Variants in GALNT2 observed in about 807,000 individuals in gnomAD.
GALNT2 encodes the protein polypeptide N-acetylgalactosaminyltransferase 2, also known as UDP-GalNAc:polypeptide N-acetylgalactosaminyltransferase 2.
A neutral mutation model predicts 81.4 loss-of-function variants in GALNT2; 31 were observed. The ratio of observed to expected loss-of-function variants is 0.38; its 90% CI spans 0.29 to 0.51. GALNT2 has a LOEUF of 0.51. GALNT2 is among the 20% of genes least tolerant of loss of function. GALNT2 has a pLI of 0.87. For missense variants in GALNT2, 629 were observed against 765.7 expected, an observed-to-expected ratio of 0.82 and a Z score of 2.11; for synonymous variants, 303 against 287.4, an observed-to-expected ratio of 1.05 and a Z score of -0.55.
At chr1:230,197,402 G>A (rs1391665087) in intron 2 of GALNT2, among the ~76,000 whole-genome samples, 1 of 152,142 alleles carries the variant, frequency 6.6e-6, no homozygotes, top group Non-Finnish European at 1.5e-5. Flanking sequence ...AAGAAAGCAG[G>A]GATTCCCTCT....
intron 3 of GALNT2, among the ~76,000 whole-genome samples, chr1:230,224,606 G>A (rs1302775829): frequency 6.6e-6 from 1 of 152,220 alleles, no homozygotes; most frequent in Non-Finnish European, 1.5e-5. Flanking sequence ...GCTTCAAGGG[G>A]AAACCTAATG....
chr1:230,067,805 G>A (rs925338122), intron 1 of GALNT2, among the ~76,000 whole-genome samples: 8 of 152,236 alleles, frequency 5.3e-5, no homozygotes, highest in Non-Finnish European at 1.2e-4. Context: ...GTCATGTACA[G>A]CAGGAGAGAG....
At chr1:230,122,664 G>A (rs968963702) in intron 1 of GALNT2, among the ~76,000 whole-genome samples, 3 of 151,740 alleles carry the variant, frequency 2.0e-5, no homozygotes, top group Non-Finnish European at 2.9e-5. Flanking sequence ...GTGTTCATCC[G>A]TGTGTGTGTG....
chr1:230,210,458 C>A (rs1475379713), intron 3 of GALNT2, among the ~76,000 whole-genome samples: 2 of 152,178 alleles, frequency 1.3e-5, no homozygotes, highest in Non-Finnish European at 2.9e-5. Context: ...GCCTTGCCAC[C>A]ACTACATTTA....
chr1:230,154,101 G>A (rs2102838588), intron 1 of GALNT2, among the ~76,000 whole-genome samples: 1 of 149,536 alleles, frequency 6.7e-6, no homozygotes, highest in East Asian at 1.9e-4. Flanking sequence ...CATAATCAGT[G>A]TCTGGTGAGC....
rs996265097 is a variant in GALNT2 at position 230,280,578 on chromosome 1, G to C, written c.*1120G>C. 2.6e-5 allele frequency: 4 copies of C among 153,600 alleles called. No individual in the cohort carries two copies. Among genetic ancestry groups the C allele is most frequent in the Admixed American group, 6.4e-5 (1 of 15,588 alleles). 9.5% of individuals were successfully genotyped at this position (153,600 alleles called of 1,614,324 possible). ...CATTGTGATCTGAGCCCTGCACGCT[G>C]GGCCTTCAGAATTAATGGCCAGCAG... On this transcript the variant is annotated 3_prime_UTR_variant, in exon 16 of 16. Transcript: ENST00000366672.
chr1:230,244,319 C>T (rs1665298732), intron 7 of GALNT2, among the ~76,000 whole-genome samples: 1 of 152,024 alleles, frequency 6.6e-6, no homozygotes, highest in Non-Finnish European at 1.5e-5. Context: ...GACAGGTAAA[C>T]AGGCTGGGGT....
intron 1 of GALNT2, among the ~76,000 whole-genome samples, chr1:230,106,803 T>TA (rs1660558391): frequency 6.6e-6 from 1 of 152,146 alleles, no homozygotes; most frequent in African/African-American, 2.4e-5. Context: ...GGGATGAACA[T>TA]ACACCCTTTC....
chr1:230,239,392 C>T (rs1263291501), intron 6 of GALNT2, among the ~76,000 whole-genome samples: 4 of 152,156 alleles, frequency 2.6e-5, no homozygotes, highest in African/African-American at 9.7e-5. Context: ...AGCAGGGAAG[C>T]CAGTCCAAGT....
chr1:230,224,673 G>A (rs1009512122), intron 3 of GALNT2, among the ~76,000 whole-genome samples: 3 of 152,196 alleles, frequency 2.0e-5, no homozygotes, highest in African/African-American at 4.8e-5. Context: ...TTCTGTGGCC[G>A]GTGCCGAAGC....
rs575399040 is a variant in GALNT2 at position 230,086,271 on chromosome 1, G to A, written c.126+18865G>A. On this transcript the variant is annotated intron_variant, in intron 1 of 15. Coordinates refer to ENST00000366672, the MANE Select transcript of GALNT2 (RefSeq NM_004481.5). ...AAGGGTTTAGAAAGGGTGGGTGATG[G>A]TGACTAGGGATACAGCACGTTGCTC... Among the ~76,000 whole-genome samples, 6 of 152,296 alleles carry A rather than the reference G, an allele frequency of 3.9e-5. No homozygotes were observed. The South Asian group carries it at 1.2e-3, about 32-fold the overall frequency.
At chr1:230,175,612 C>CCTCCTCCCCCTCCCTCT (rs1662951692) in intron 1 of GALNT2, among the ~76,000 whole-genome samples, 1 of 124,310 alleles carries the variant, frequency 8.0e-6, no homozygotes, top group African/African-American at 3.1e-5. Flanking sequence ...TCCTCCTCCT[C>CCTCCTCCCCCTCCCTCT]CCCCTCCCTC....
chr1:230,280,006 C>G lies in GALNT2; in HGVS notation c.*548C>G, dbSNP rs1666394215. The G allele has an allele frequency of 2.2e-6, 1 of 456,046 alleles. No homozygotes were observed. Among genetic ancestry groups the G allele is most frequent in the Non-Finnish European group, 4.4e-6 (1 of 226,846 alleles). 28.2% of individuals were successfully genotyped at this position (456,046 alleles called of 1,614,324 possible). On this transcript the variant is annotated 3_prime_UTR_variant, in exon 16 of 16. Coordinates refer to ENST00000366672, the MANE Select transcript of GALNT2 (RefSeq NM_004481.5). ...TCTTCCTGGGCCAGACTCCCCTCCA[C>G]CTCATGTACTTGCTATATTGAGGAT...
intron 11 of GALNT2, 103 bp from the exon 12 acceptor site, chr1:230,262,470 C>G: frequency 1.0e-6 from 1 of 957,740 alleles, no homozygotes; most frequent in South Asian, 1.4e-5. Context: ...CTGCTGCACA[C>G]CCAGAGGGAG....
intron 3 of GALNT2, among the ~76,000 whole-genome samples, chr1:230,226,746 A>G (rs1390685480): frequency 1.3e-5 from 2 of 152,060 alleles, no homozygotes; most frequent in African/African-American, 4.8e-5. Flanking sequence ...CATTTCACTC[A>G]CCCATCTCAT....
rs1162627451 is a variant in GALNT2 at position 230,275,682 on chromosome 1, ATATG to A, written c.1560+1121_1560+1124del. Among the ~76,000 whole-genome samples the A allele has an allele frequency of 7.1e-6, 1 of 141,796 alleles. No homozygotes were observed. The highest frequency in any genetic ancestry group is 1.5e-5 in the Non-Finnish European group (1 of 66,084). 93.0% of individuals were successfully genotyped at this position (141,796 alleles called of 152,430 possible). A position where few individuals can be genotyped will look rare whatever the true frequency, so the allele number is the denominator to read the frequency against. On this transcript the variant is annotated intron_variant, in intron 15 of 15. Transcript: ENST00000366672. This position sits in a 1 kb window ranked among gnomAD's most constrained non-coding sequence, Gnocchi z 5.5. Reference sequence around the variant, plus strand: ...ACATATATACATGCCACATGTATACATATGTAAACACCACATATATATACACACC... The same window carrying A: ...ACATATATACATGCCACATGTATACATAAACACCACATATATATACACACC...
intron 1 of GALNT2, among the ~76,000 whole-genome samples, chr1:230,143,188 G>A (rs1224236273): frequency 6.6e-6 from 1 of 152,144 alleles, no homozygotes; most frequent in Non-Finnish European, 1.5e-5. Context: ...TGGGGTACTG[G>A]GCACTGTCAG....
At chr1:230,122,643 C>CGTGT (rs971532884) in intron 1 of GALNT2, among the ~76,000 whole-genome samples, 1 of 150,784 alleles carries the variant, frequency 6.6e-6, no homozygotes, top group Non-Finnish European at 1.5e-5. Context: ...CATGTACATA[C>CGTGT]GTGTGTGTGT....
chr1:230,196,321 G>T (rs1029483790), intron 2 of GALNT2, among the ~76,000 whole-genome samples: 1 of 152,200 alleles, frequency 6.6e-6, no homozygotes, highest in Admixed American at 6.5e-5. Flanking sequence ...CCTTGGCTTG[G>T]TTATGGAGCT....
Sources: gnomAD v4.1 joint callset for allele counts (sites outside exome capture counted in the v4.1 genomes callset) on GRCh38, gnomAD v4.1.1 for gene constraint, Gnocchi (gnomAD v3.1) non-coding constraint, MANE v1.5 for transcripts, NCBI Gene and HGNC (gene_info 2026-07-23, HGNC 2026-07-21) for gene names.